RARRES1: variants seen among roughly 807,000 people sequenced by gnomAD.
RARRES1 encodes retinoic acid receptor responder 1.
Under a neutral mutation model 30.6 loss-of-function variants are expected in RARRES1, and 34 were observed. That is an observed-to-expected ratio of 1.11 (90% CI 0.84 to 1.48). The LOEUF (loss-of-function observed/expected upper bound fraction) is 1.48, where lower values mean the gene tolerates loss of function less well. Ranked by LOEUF, RARRES1 falls within the 40% of genes most tolerant of loss-of-function variation. The pLI, the probability that RARRES1 is intolerant of heterozygous loss-of-function variation, is 0.00. For missense variants in RARRES1, 373 were observed against 386.5 expected, an observed-to-expected ratio of 0.97 and a Z score of 0.29; for synonymous variants, 153 against 155.5, an observed-to-expected ratio of 0.98 and a Z score of 0.12.
At chr3:158,704,210 C>CTTTTTTTTTTTTTTTTTTTTTTTTTTTT (rs78169321) in intron 4 of RARRES1, among the ~76,000 whole-genome samples, 1 of 82,808 alleles carries the variant, frequency 1.2e-5, no homozygotes, top group Non-Finnish European at 2.3e-5. Flanking sequence ...TATTGCAATA[C>CTTTTTTTTTTTTTTTTTTTTTTTTTTTT]TTTTTTTTTT....
At position 158,706,456 on chromosome 3, in the gene RARRES1, A is replaced by T. The variant is rs552624039; in HGVS notation, c.536-1529T>A. Among the ~76,000 whole-genome samples, 16 of 152,292 alleles carry T rather than the reference A, an allele frequency of 1.1e-4. 1 individual carries two copies. The South Asian group carries it at 2.3e-3, about 22-fold the overall frequency. On this transcript the variant is annotated intron_variant, in intron 3 of 5. Coordinates refer to ENST00000237696, the MANE Select transcript of RARRES1 (RefSeq NM_206963.2). ...GCACCAGGCAGGGGCAGCCTCAGTG[A>T]CTGTTCTTGATAGAATATACAGTAT... is the stretch of plus-strand genomic sequence containing the variant.
intron 1 of RARRES1, among the ~76,000 whole-genome samples, chr3:158,716,037 C>G (rs1288220865): frequency 3.3e-5 from 5 of 152,246 alleles, no homozygotes; most frequent in African/African-American, 1.2e-4. Flanking sequence ...TGCACCGCAG[C>G]ACCTGGGAGT....
rs916574471 is a variant in RARRES1 at position 158,705,040 on chromosome 3, A to G, written c.536-113T>C. ...TAGTCATACCAGTCATCTCTCTCAC[A>G]GCAAGACCTTGAGCCATATATGTGA... On this transcript the variant is annotated intron_variant, in intron 3 of 5. Coordinates refer to ENST00000237696, the MANE Select transcript of RARRES1 (RefSeq NM_206963.2). 9.6e-6 allele frequency: 13 copies of G among 1,358,438 alleles called. No homozygotes were observed. In the African/African-American group the frequency reaches 1.9e-4, roughly 20 times the overall value. 84.1% of individuals were successfully genotyped at this position (1,358,438 alleles called of 1,614,324 possible).
rs147377992 is a variant in RARRES1 at position 158,724,943 on chromosome 3, T to C, written c.276+7197A>G. ...CCCAGGGTCAGGTGATCCTCCCACC[T>C]CAGCCTTCCAAGTAGCTGGGACTAC... On this transcript the variant is annotated intron_variant, in intron 1 of 5. Coordinates refer to ENST00000237696, the MANE Select transcript of RARRES1 (RefSeq NM_206963.2). Among the ~76,000 whole-genome samples the C allele has an allele frequency of 7.5e-3, 1,144 of 151,976 alleles. 10 individuals carry two copies. Among genetic ancestry groups the C allele is most frequent in the Middle Eastern group, 0.024 (7 of 294 alleles).
chr3:158,707,182 A>G (rs1231386499), intron 3 of RARRES1, among the ~76,000 whole-genome samples: 1 of 151,944 alleles, frequency 6.6e-6, no homozygotes, highest in Non-Finnish European at 1.5e-5. Context: ...CAAACAAACA[A>G]AAAAACTACA....
At chr3:158,713,713 C>T in intron 2 of RARRES1, 84 bp downstream of exon 2, 1 of 1,317,498 alleles carries the variant, frequency 7.6e-7, no homozygotes, top group Non-Finnish European at 1.1e-6. Flanking sequence ...CTCCAGATCA[C>T]TATATATTAA....
intron 1 of RARRES1, 25 bp downstream of exon 1, chr3:158,732,115 C>T (rs1727913915): frequency 3.0e-6 from 4 of 1,316,966 alleles, no homozygotes; most frequent in African/African-American, 1.5e-5. Flanking sequence ...CAGGCGCGTG[C>T]CCCGGCGCGT....
chr3:158,704,506 C>T (rs929247658), intron 4 of RARRES1: 1 of 304,740 alleles, frequency 3.3e-6, no homozygotes, highest in African/African-American at 2.2e-5. Context: ...TTTTTCATAG[C>T]ATTTACCATC....
intron 4 of RARRES1, among the ~76,000 whole-genome samples, chr3:158,702,880 G>A (rs189095147): frequency 3.9e-5 from 6 of 152,298 alleles, no homozygotes; most frequent in Non-Finnish European, 5.9e-5. Flanking sequence ...GATAAGTAAA[G>A]ACAAAATCTA....
chr3:158,730,523 TC>T (rs1444318392), intron 1 of RARRES1, among the ~76,000 whole-genome samples: 2 of 151,634 alleles, frequency 1.3e-5, no homozygotes, highest in Admixed American at 6.6e-5. Flanking sequence ...GGTCCTGGGG[TC>T]CTGGGCTCAA....
intron 5 of RARRES1, 23 bp from the exon 6 acceptor site, chr3:158,697,850 A>G (rs1208626728): frequency 6.3e-7 from 1 of 1,599,572 alleles, no homozygotes; most frequent in Non-Finnish European, 8.6e-7. Context: ...GTTATAAAAT[A>G]TTATAATCTG....
In RARRES1 at chr3:158,720,273, T is replaced by TGAGAGA. The variant is rs968371151; in HGVS notation, c.277-6420_277-6415dup. ...GTGTGTGTGTGTGTGTGTATGTGTGTGAGAGAGAGAGAGAGAGAGAGAGAG... is the reference window on the plus strand; with the variant it reads ...GTGTGTGTGTGTGTGTGTATGTGTGTGAGAGAGAGAGAGAGAGAGAGAGAGAGAGAG... On this transcript the variant is annotated intron_variant, in intron 1 of 5. Coordinates refer to ENST00000237696, the MANE Select transcript of RARRES1 (RefSeq NM_206963.2). Among the ~76,000 whole-genome samples the TGAGAGA allele has an allele frequency of 3.6e-3, 523 of 144,494 alleles. 3 individuals carry two copies. Among genetic ancestry groups the TGAGAGA allele is most frequent in the African/African-American group, 0.013 (505 of 38,988 alleles). The allele number at this position is 144,494 out of a possible 152,430, so 94.8% of individuals were successfully genotyped here.
At position 158,697,836 on chromosome 3, in the gene RARRES1, T is replaced by TAA; in HGVS notation, c.736-10_736-9insTT. On this transcript the variant is annotated splice_polypyrimidine_tract_variant and intron_variant, in intron 5 of 5. Transcript: ENST00000237696. ...CGACAGGGAATTATTTCCTAGGAAATAGAGTTATAAAATATTATAATCTGC... is the reference window on the plus strand; with the variant it reads ...CGACAGGGAATTATTTCCTAGGAAATAAAGAGTTATAAAATATTATAATCTGC... 2 of 1,605,782 alleles carry TAA rather than the reference T, an allele frequency of 1.2e-6. No individual in the cohort carries two copies. Among genetic ancestry groups the TAA allele is most frequent in the Non-Finnish European group, 1.7e-6 (2 of 1,173,966 alleles).
chr3:158,725,301 G>A (rs1727650678), intron 1 of RARRES1, among the ~76,000 whole-genome samples: 1 of 152,204 alleles, frequency 6.6e-6, no homozygotes, highest in African/African-American at 2.4e-5. Context: ...GGTCACATAA[G>A]TGTCATACAT....
At chr3:158,702,945 T>C (rs1726785893) in intron 4 of RARRES1, among the ~76,000 whole-genome samples, 1 of 152,242 alleles carries the variant, frequency 6.6e-6, no homozygotes, top group African/African-American at 2.4e-5. Flanking sequence ...AACCAAACTA[T>C]GTATTATTGA....
chr3:158,697,837 A>G lies in RARRES1; in HGVS notation c.736-10T>C, dbSNP rs369247149. 4.0e-5 allele frequency: 65 copies of G among 1,605,568 alleles called. No individual in the cohort carries two copies. In the African/African-American group the frequency reaches 7.9e-4, roughly 20 times the overall value. ...GACAGGGAATTATTTCCTAGGAAATAGAGTTATAAAATATTATAATCTGCA... is the reference window on the plus strand; with the variant it reads ...GACAGGGAATTATTTCCTAGGAAATGGAGTTATAAAATATTATAATCTGCA... On this transcript the variant is annotated splice_polypyrimidine_tract_variant and intron_variant, in intron 5 of 5. Coordinates refer to ENST00000237696, the MANE Select transcript of RARRES1 (RefSeq NM_206963.2).
chr3:158,711,556 A>G (rs539956677), intron 2 of RARRES1, among the ~76,000 whole-genome samples: 6 of 151,284 alleles, frequency 4.0e-5, no homozygotes, highest in Non-Finnish European at 5.9e-5. Context: ...GATCATCCAC[A>G]TGGGATTCAT....
At chr3:158,728,516 CTTT>C (rs755791546) in intron 1 of RARRES1, among the ~76,000 whole-genome samples, 197 of 133,912 alleles carry the variant, frequency 1.5e-3, no homozygotes, top group Admixed American at 2.9e-3. Flanking sequence ...CTTTTTCTTT[CTTT>C]TTTTTTTTTT....
intron 4 of RARRES1, among the ~76,000 whole-genome samples, chr3:158,704,210 C>CTTTTTTTTTTTT (rs78169321): frequency 2.4e-5 from 2 of 82,810 alleles, no homozygotes; most frequent in African/African-American, 4.3e-5. Context: ...TATTGCAATA[C>CTTTTTTTTTTTT]TTTTTTTTTT....
Sources: gnomAD v4.1 joint callset for allele counts (sites outside exome capture counted in the v4.1 genomes callset) on GRCh38, gnomAD v4.1.1 for gene constraint, MANE v1.5 for transcripts, NCBI Gene and HGNC (gene_info 2026-07-23, HGNC 2026-07-21) for gene names.